ERBB4: variants seen among roughly 807,000 people sequenced by gnomAD.
The protein encoded by ERBB4 is erb-b2 receptor tyrosine kinase 4, also known as receptor tyrosine-protein kinase erbB-4.
ERBB4 carries 42 observed loss-of-function variants against 158.0 expected under a neutral mutation model. The ratio of observed to expected loss-of-function variants is 0.27; its 90% confidence interval spans 0.21 to 0.34. The LOEUF (loss-of-function observed/expected upper bound fraction) is 0.34, where lower values mean the gene tolerates loss of function less well. ERBB4 is among the 10% of genes least tolerant of loss of function. ERBB4 has a pLI of 1.00. For synonymous variants in ERBB4, 583 were observed against 558.7 expected, an observed-to-expected ratio of 1.04 and a Z score of -0.61; for missense variants, 1,333 against 1,624.1, an observed-to-expected ratio of 0.82 and a Z score of 3.08.
At chr2:211,493,326 A>G (rs1439513097) in intron 20 of ERBB4, among the ~76,000 whole-genome samples, 3 of 152,100 alleles carry the variant, frequency 2.0e-5, no homozygotes, top group African/African-American at 4.8e-5. Flanking sequence ...GCCCAATTTA[A>G]TATATTGAAC....
At chr2:211,630,026 C>A (rs898930638) in intron 17 of ERBB4, among the ~76,000 whole-genome samples, 3 of 152,144 alleles carry the variant, frequency 2.0e-5, no homozygotes, top group Admixed American at 6.6e-5. Flanking sequence ...GCAATGGCAA[C>A]CAAAGCCAAA....
chr2:211,651,091 C>A (rs1174924244), intron 16 of ERBB4, among the ~76,000 whole-genome samples: 2 of 152,092 alleles, frequency 1.3e-5, no homozygotes, highest in Non-Finnish European at 2.9e-5. Flanking sequence ...TGAGGTACTG[C>A]ACAATAATGC....
chr2:212,003,418 T>C (rs1319532509), intron 2 of ERBB4, among the ~76,000 whole-genome samples: 1 of 148,422 alleles, frequency 6.7e-6, no homozygotes, highest in East Asian at 2.0e-4. Flanking sequence ...AGCAAGTAAA[T>C]AGAACAACAT....
At chr2:211,704,799 A>G (rs952059566) in intron 10 of ERBB4, among the ~76,000 whole-genome samples, 5 of 152,222 alleles carry the variant, frequency 3.3e-5, no homozygotes, top group Admixed American at 1.3e-4. Flanking sequence ...AAACTTTCAA[A>G]GATACTCATT....
At chr2:211,549,052 C>A (rs2125697799) in intron 20 of ERBB4, among the ~76,000 whole-genome samples, 1 of 151,938 alleles carries the variant, frequency 6.6e-6, no homozygotes, top group African/African-American at 2.4e-5. Flanking sequence ...TTTTTCTTTC[C>A]TTGTGTAGAA....
chr2:212,468,276 T>G (rs1004433604), intron 1 of ERBB4, among the ~76,000 whole-genome samples: 1 of 151,928 alleles, frequency 6.6e-6, no homozygotes, highest in Non-Finnish European at 1.5e-5. Context: ...GGACATGAGA[T>G]TTGGGAGGGG....
chr2:212,225,242 GA>G (rs2083434170), intron 1 of ERBB4, among the ~76,000 whole-genome samples: 1 of 151,946 alleles, frequency 6.6e-6, no homozygotes, highest in Non-Finnish European at 1.5e-5. Context: ...ATTAGAAAGT[GA>G]AAAATTTAAC....
intron 3 of ERBB4, among the ~76,000 whole-genome samples, chr2:211,940,334 G>A (rs867576903): frequency 6.6e-6 from 1 of 152,074 alleles, no homozygotes; most frequent in African/African-American, 2.4e-5. Flanking sequence ...GAGCAAAAAT[G>A]TTCCTCTTTT....
chr2:212,188,060 C>T (rs1245098158), intron 1 of ERBB4, among the ~76,000 whole-genome samples: 2 of 152,116 alleles, frequency 1.3e-5, no homozygotes, highest in African/African-American at 4.8e-5. Flanking sequence ...CTTCTCCTGA[C>T]AGCTCTAGAA....
chr2:211,519,768 G>T (rs1375632261), intron 20 of ERBB4, among the ~76,000 whole-genome samples: 2 of 152,074 alleles, frequency 1.3e-5, no homozygotes, highest in African/African-American at 4.8e-5. Flanking sequence ...AAGACAAATA[G>T]AAATCCACTG....
chr2:211,872,411 AG>A (rs1219339835), intron 3 of ERBB4, among the ~76,000 whole-genome samples: 1 of 152,194 alleles, frequency 6.6e-6, no homozygotes, highest in Non-Finnish European at 1.5e-5. Context: ...TGTCAGCAAA[AG>A]GCGGGGGTTC....
intron 16 of ERBB4, among the ~76,000 whole-genome samples, chr2:211,648,219 C>T (rs1355753454): frequency 1.3e-5 from 2 of 151,490 alleles, no homozygotes; most frequent in African/African-American, 4.8e-5. Context: ...GAGTCTTCTC[C>T]ATCTCAGTTT....
chr2:211,713,303 T>C (rs753756605), intron 8 of ERBB4, among the ~76,000 whole-genome samples: 5 of 152,184 alleles, frequency 3.3e-5, no homozygotes, highest in Admixed American at 6.5e-5. Context: ...TTCCTATCAA[T>C]GTTACATGTG....
At chr2:212,498,676 T>C (rs940690104) in intron 1 of ERBB4, among the ~76,000 whole-genome samples, 1 of 152,096 alleles carries the variant, frequency 6.6e-6, no homozygotes, top group African/African-American at 2.4e-5. Context: ...TATATTAATA[T>C]TTAGACATTT....
At chr2:211,567,879 C>T (rs1354858151) in intron 19 of ERBB4, among the ~76,000 whole-genome samples, 3 of 150,014 alleles carry the variant, frequency 2.0e-5, no homozygotes, top group African/African-American at 7.4e-5. Flanking sequence ...TTTATTTAGA[C>T]TGATGAGTGG....
At chr2:211,864,359 C>G (rs1478228936) in intron 3 of ERBB4, among the ~76,000 whole-genome samples, 1 of 152,106 alleles carries the variant, frequency 6.6e-6, no homozygotes, top group Non-Finnish European at 1.5e-5. Context: ...GACTGCTTTC[C>G]TGCTTCTGGG....
intron 25 of ERBB4, among the ~76,000 whole-genome samples, chr2:211,388,712 T>C (rs2062739411): frequency 6.6e-6 from 1 of 152,094 alleles, no homozygotes; most frequent in Non-Finnish European, 1.5e-5. Context: ...CAAAAATACA[T>C]CTGTATTTTT....
intron 1 of ERBB4, among the ~76,000 whole-genome samples, chr2:212,295,172 C>T (rs1280291235): frequency 6.6e-6 from 1 of 152,074 alleles, no homozygotes; most frequent in Non-Finnish European, 1.5e-5. Flanking sequence ...TATTGATGTC[C>T]TCAATGCATG....
intron 16 of ERBB4, among the ~76,000 whole-genome samples, chr2:211,632,597 C>T (rs535130965): frequency 2.7e-5 from 4 of 150,548 alleles, no homozygotes; most frequent in South Asian, 4.2e-4. Context: ...GAAAAGAAAA[C>T]GCTCTATTTT....
Sources: allele counts gnomAD v4.1 joint callset (sites outside exome capture counted in the v4.1 genomes callset), GRCh38; gene constraint gnomAD v4.1.1; transcripts MANE v1.5; gene names NCBI Gene and HGNC (gene_info 2026-07-23, HGNC 2026-07-21).